The following LGR6 variants were observed in gnomAD, a reference collection of about 807,000 sequenced individuals.
LGR6 encodes the protein leucine rich repeat containing G protein-coupled receptor 6.
LGR6 carries 45 observed loss-of-function variants against 69.4 expected under a neutral mutation model. The observed-to-expected ratio is 0.65, with a 90% CI of 0.51 to 0.83. LGR6 has a LOEUF of 0.83. LGR6 is among the 40% of genes least tolerant of loss of function. LGR6 has a pLI of 0.00. For missense variants in LGR6, 1,108 were observed against 1,246.7 expected, an observed-to-expected ratio of 0.89 and a Z score of 1.68; for synonymous variants, 538 against 555.0, an observed-to-expected ratio of 0.97 and a Z score of 0.43.
chr1:202,212,637 C>T (rs755224085), intron 1 of LGR6, among the ~76,000 whole-genome samples: 4 of 152,146 alleles, frequency 2.6e-5, no homozygotes, highest in Admixed American at 6.5e-5. Flanking sequence ...GTGAGCTCTG[C>T]GTGTCTACAC....
intron 3 of LGR6, among the ~76,000 whole-genome samples, chr1:202,232,780 C>T (rs186120071): frequency 5.9e-5 from 9 of 152,304 alleles, no homozygotes; most frequent in East Asian, 3.9e-4. Context: ...AGGAAAACAT[C>T]GTCACAAAAG....
At chr1:202,264,850 GC>G (rs964882861) in intron 4 of LGR6, among the ~76,000 whole-genome samples, 3 of 151,952 alleles carry the variant, frequency 2.0e-5, no homozygotes, top group African/African-American at 4.8e-5. Flanking sequence ...TTCTCTGCCC[GC>G]CCCCGCCACC....
At chr1:202,204,633 A>AC (rs1659013469) in intron 1 of LGR6, among the ~76,000 whole-genome samples, 1 of 58,736 alleles carries the variant, frequency 1.7e-5, no homozygotes, top group Non-Finnish European at 3.1e-5. Context: ...TCAAACACAC[A>AC]CACCTCCAAA....
At chr1:202,266,829 T>C (rs930560759) in intron 4 of LGR6, among the ~76,000 whole-genome samples, 4 of 152,110 alleles carry the variant, frequency 2.6e-5, no homozygotes, top group Non-Finnish European at 4.4e-5. Context: ...TTCCACACCC[T>C]TTAATTCATT....
intron 6 of LGR6, among the ~76,000 whole-genome samples, chr1:202,293,122 A>T (rs1394720915): frequency 6.6e-6 from 1 of 152,250 alleles, no homozygotes; most frequent in East Asian, 1.9e-4. Context: ...GACAGTGCTC[A>T]ACCAATGTTA....
chr1:202,309,281 G>A (rs1430047848), intron 15 of LGR6, 105 bp downstream of exon 15: 3 of 1,399,782 alleles, frequency 2.1e-6, no homozygotes, highest in Non-Finnish European at 2.9e-6. Flanking sequence ...TAGAGGCTTA[G>A]GGTTTGACCA....
chr1:202,309,205 G>A (rs766443450), intron 15 of LGR6, 29 bp downstream of exon 15: 3 of 1,612,406 alleles, frequency 1.9e-6, no homozygotes, highest in Non-Finnish European at 2.5e-6. Context: ...CCAACACCTG[G>A]GTAGGCCAGC....
intron 3 of LGR6, among the ~76,000 whole-genome samples, chr1:202,230,396 AGTCTC>A (rs1660925043): frequency 1.3e-5 from 2 of 152,140 alleles, no homozygotes; most frequent in Non-Finnish European, 2.9e-5. Flanking sequence ...GGGAACTTTC[AGTCTC>A]ACATCGCTAT....
chr1:202,265,084 G>A (rs1664537673), intron 4 of LGR6, among the ~76,000 whole-genome samples: 1 of 152,156 alleles, frequency 6.6e-6, no homozygotes, highest in African/African-American at 2.4e-5. Context: ...CCTGGGTGAG[G>A]AGAGAGAGAA....
chr1:202,227,971 G>C lies in LGR6; in HGVS notation c.320G>C (p.Gly107Ala). ...LSGNHLSHIP[G>A]QAFSGLYSLK... ...GGGAACCATCTCTCACACATCCCAG[G>C]ACAAGCATTCTCTGGTCTCTACAGC... is the stretch of plus-strand genomic sequence containing the variant. Residue 107 changes from glycine to alanine, a missense_variant, in exon 3 of 18, where the codon GGA becomes GCA. Transcript: ENST00000367278. 6.2e-7 allele frequency: 1 copy of C among 1,613,858 alleles called. No homozygotes were observed. Among genetic ancestry groups the C allele is most frequent in the South Asian group, 1.1e-5 (1 of 91,070 alleles).
At chr1:202,204,492 CACACACACCTCCAA>C (rs1331904995) in intron 1 of LGR6, among the ~76,000 whole-genome samples, 37 of 106,628 alleles carry the variant, frequency 3.5e-4, no homozygotes, top group African/African-American at 1.3e-3. Flanking sequence ...CACACCTCCA[CACACACACCTCCAA>C]ACACACACAC....
intron 3 of LGR6, among the ~76,000 whole-genome samples, chr1:202,234,406 T>C (rs1318853976): frequency 1.3e-5 from 2 of 152,198 alleles, no homozygotes; most frequent in African/African-American, 4.8e-5. Context: ...GGGTTCATAT[T>C]TGAGATTTTC....
At chr1:202,234,951 TC>T in intron 3 of LGR6, among the ~76,000 whole-genome samples, 1 of 151,902 alleles carries the variant, frequency 6.6e-6, no homozygotes, top group East Asian at 1.9e-4. Context: ...CCCCAGCTCT[TC>T]CATGAACTCC....
At chr1:202,308,926 C>G (rs749249) in intron 14 of LGR6, 125 bp from the exon 15 acceptor site, 2 of 1,176,690 alleles carry the variant, frequency 1.7e-6, no homozygotes, top group Non-Finnish European at 2.4e-6. Context: ...TTCTAAGCTT[C>G]TCTCCTGTCC....
intron 1 of LGR6, among the ~76,000 whole-genome samples, chr1:202,215,020 T>TGTGTGTGCGC (rs144255206): frequency 8.8e-5 from 12 of 135,922 alleles, no homozygotes; most frequent in African/African-American, 2.1e-4. Flanking sequence ...TGTGTGTGTG[T>TGTGTGTGCGC]GCGCGCGCGC....
intron 6 of LGR6, among the ~76,000 whole-genome samples, chr1:202,290,652 C>T (rs1424644556): frequency 3.3e-5 from 5 of 152,128 alleles, no homozygotes; most frequent in South Asian, 2.1e-4. Flanking sequence ...GTGGGCGGAT[C>T]GCCTGAGGTC....
intron 9 of LGR6, 84 bp downstream of exon 9, chr1:202,301,319 G>C: frequency 8.4e-7 from 1 of 1,190,884 alleles, no homozygotes; most frequent in Non-Finnish European, 1.2e-6. Context: ...ATCGCCTGCG[G>C]ATCTCTCCCT....
intron 4 of LGR6, among the ~76,000 whole-genome samples, chr1:202,249,909 G>A (rs761960547): frequency 1.3e-5 from 2 of 152,144 alleles, no homozygotes; most frequent in African/African-American, 2.4e-5. Flanking sequence ...CTTAAGACAC[G>A]AATGTGATCA....
At chr1:202,202,416 C>A (rs1658869140) in intron 1 of LGR6, among the ~76,000 whole-genome samples, 1 of 152,200 alleles carries the variant, frequency 6.6e-6, no homozygotes, top group Admixed American at 6.5e-5. Flanking sequence ...ATCCAGCCAT[C>A]CCAAGGGATA....
Sources: gnomAD v4.1 joint callset for allele counts (sites outside exome capture counted in the v4.1 genomes callset) on GRCh38, gnomAD v4.1.1 for gene constraint, MANE v1.5 for transcripts, NCBI Gene and HGNC (gene_info 2026-07-23, HGNC 2026-07-21) for gene names.